The following TENM2 variants were observed in gnomAD, a reference collection of about 807,000 sequenced individuals.
TENM2 encodes teneurin transmembrane protein 2.
TENM2 carries 52 observed loss-of-function variants against 245.2 expected under a neutral mutation model. The ratio of observed to expected loss-of-function variants is 0.21; its 90% CI spans 0.17 to 0.27. The LOEUF (loss-of-function observed/expected upper bound fraction) is 0.27, where lower values mean the gene tolerates loss of function less well. Ranked by LOEUF, TENM2 falls within the 10% of genes least tolerant of loss-of-function variation. The pLI, the probability that TENM2 is intolerant of heterozygous loss-of-function variation, is 1.00. For synonymous variants in TENM2, 1,363 were observed against 1,438.9 expected (o/e 0.95, Z 1.19); for missense variants, 3,046 against 3,666.8 (o/e 0.83, Z 4.37).
intron 2 of TENM2, among the ~76,000 whole-genome samples, chr5:167,756,955 C>T (rs1466197976): frequency 1.3e-5 from 2 of 152,248 alleles, no homozygotes; most frequent in East Asian, 3.9e-4. Context: ...CATAGACCCC[C>T]ATGAAATCAT....
Position 168,164,453 on chromosome 5 carries a change from G to A in TENM2, c.2569+1696G>A, listed in dbSNP as rs114860269. Among the ~76,000 whole-genome samples, 841 of 152,076 alleles carry A rather than the reference G, an allele frequency of 5.5e-3. 14 individuals are homozygous for A. Among genetic ancestry groups the A allele is most frequent in the African/African-American group, 0.019 (802 of 41,492 alleles). The stretch of plus-strand genomic sequence containing the variant: ...TCTCCATTTATTGGAATACAGCCAT[G>A]CCCATTTGTTTATGTTTGGCCTAGG... On this transcript the variant is annotated intron_variant, in intron 13 of 28. Transcript: ENST00000518659.
At chr5:168,204,491 G>T (rs1029034842) in exon 19 of TENM2, 2 of 1,613,910 alleles carry the variant, frequency 1.2e-6, no homozygotes, top group Non-Finnish European at 1.7e-6. Flanking sequence ...CAACGGCCTT[G>T]CTGAAGGCAA....
chr5:168,135,101 G>A (rs1012195242), intron 12 of TENM2, among the ~76,000 whole-genome samples: 5 of 152,130 alleles, frequency 3.3e-5, no homozygotes, highest in Non-Finnish European at 7.4e-5. Context: ...CAAGTACCAC[G>A]CATGCCTTCT....
At chr5:167,931,454 A>G (rs1778274109) in intron 3 of TENM2, among the ~76,000 whole-genome samples, 1 of 151,730 alleles carries the variant, frequency 6.6e-6, no homozygotes, top group South Asian at 2.1e-4. Flanking sequence ...GGGCCATATA[A>G]TAGTCGTAGA....
At chr5:168,061,637 G>A (rs372653653) in intron 6 of TENM2, among the ~76,000 whole-genome samples, 120 of 152,108 alleles carry the variant, frequency 7.9e-4, no homozygotes, top group African/African-American at 2.5e-3. Context: ...TGTTGAAAAT[G>A]TCAGAGTATA....
intron 25 of TENM2, among the ~76,000 whole-genome samples, chr5:168,241,413 C>T (rs1375691124): frequency 2.0e-5 from 3 of 149,662 alleles, no homozygotes; most frequent in Non-Finnish European, 3.0e-5. Context: ...TGCTACCATG[C>T]TTGGCTAATT....
At chr5:167,913,765 C>A (rs1165754167) in intron 3 of TENM2, among the ~76,000 whole-genome samples, 1 of 152,184 alleles carries the variant, frequency 6.6e-6, no homozygotes, top group Non-Finnish European at 1.5e-5. Flanking sequence ...CTGTGATGCC[C>A]ACCTAACTGC....
the TENM2 span, among the ~76,000 whole-genome samples, chr5:167,154,952 A>G: frequency 6.6e-6 from 1 of 152,238 alleles, no homozygotes; most frequent in Non-Finnish European, 1.5e-5. Flanking sequence ...AAAGTCGTAC[A>G]TATTGCCTTG....
At chr5:168,162,379 G>A (rs1757818455) in intron 12 of TENM2, among the ~76,000 whole-genome samples, 1 of 152,226 alleles carries the variant, frequency 6.6e-6, no homozygotes, top group Non-Finnish European at 1.5e-5. Context: ...TGGGAAGGTT[G>A]CCTCTGACCT....
chr5:167,621,500 C>A (rs555492994), intron 2 of TENM2, among the ~76,000 whole-genome samples: 1 of 152,130 alleles, frequency 6.6e-6, no homozygotes, highest in East Asian at 1.9e-4. Context: ...TCATTTAGGA[C>A]CTTCTATGCT....
chr5:167,574,853 C>T (rs1390651217), intron 2 of TENM2, among the ~76,000 whole-genome samples: 1 of 152,014 alleles, frequency 6.6e-6, no homozygotes. Flanking sequence ...AAATATGTCC[C>T]TTTTGTGTGC....
intron 20 of TENM2, among the ~76,000 whole-genome samples, chr5:168,213,675 A>G (rs1291243588): frequency 6.8e-6 from 1 of 147,708 alleles, no homozygotes; most frequent in Non-Finnish European, 1.5e-5. Flanking sequence ...AAAAAAAAAA[A>G]GGTTTTTAAT....
chr5:167,060,001 C>G, the TENM2 span, among the ~76,000 whole-genome samples: 1 of 151,858 alleles, frequency 6.6e-6, no homozygotes, highest in Admixed American at 6.6e-5. Flanking sequence ...CCGTGCCCAG[C>G]CAGAATAAGT....
chr5:167,806,352 T>C (rs1197171800), intron 2 of TENM2, among the ~76,000 whole-genome samples: 1 of 152,112 alleles, frequency 6.6e-6, no homozygotes, highest in East Asian at 1.9e-4. Context: ...TGAGGTAGTA[T>C]AGTGTATTAT....
chr5:167,202,185 T>C, the TENM2 span, among the ~76,000 whole-genome samples: 5 of 152,192 alleles, frequency 3.3e-5, no homozygotes, highest in Admixed American at 3.3e-4. Context: ...ATAAATTTCC[T>C]CTCTCTATGC....
intron 2 of TENM2, among the ~76,000 whole-genome samples, chr5:167,408,637 A>G (rs1241219666): frequency 6.6e-6 from 1 of 152,028 alleles, no homozygotes; most frequent in African/African-American, 2.4e-5. Context: ...AAGTGATGCC[A>G]TAATGTACTT....
At chr5:167,763,730 A>G (rs567975986) in intron 2 of TENM2, among the ~76,000 whole-genome samples, 2 of 152,294 alleles carry the variant, frequency 1.3e-5, no homozygotes, top group East Asian at 3.9e-4. Flanking sequence ...TTTAATACCT[A>G]GAATTTTTCT....
chr5:168,171,701 T>C (rs543803596), intron 13 of TENM2, among the ~76,000 whole-genome samples: 12 of 152,252 alleles, frequency 7.9e-5, no homozygotes, highest in Admixed American at 1.3e-4. Flanking sequence ...TATGTTTTTT[T>C]CCCCCTGATT....
chr5:167,486,528 C>G (rs1768087439), intron 2 of TENM2, among the ~76,000 whole-genome samples: 1 of 151,970 alleles, frequency 6.6e-6, no homozygotes, highest in Admixed American at 6.6e-5. Flanking sequence ...CAGGGCTTCA[C>G]CGTGTTAGCC....
Sources: allele counts gnomAD v4.1 joint callset (sites outside exome capture counted in the v4.1 genomes callset), GRCh38; gene constraint gnomAD v4.1.1; transcripts MANE v1.5; gene names NCBI Gene and HGNC (gene_info 2026-07-23, HGNC 2026-07-21).